Variants in DNAJC5 observed in about 807,000 individuals in gnomAD.
DNAJC5 encodes dnaJ homolog subfamily C member 5.
In DNAJC5, 1 loss-of-function variant was observed where a neutral mutation model predicts 23.2. The observed-to-expected ratio is 0.04, with a 90% CI of 0.02 to 0.20. DNAJC5 has a LOEUF of 0.20. DNAJC5 is among the 10% of genes least tolerant of loss of function. The pLI is 1.00. For missense variants in DNAJC5, 180 were observed against 267.0 expected, an observed-to-expected ratio of 0.67 and a Z score of 2.27; for synonymous variants, 136 against 120.0, an observed-to-expected ratio of 1.13 and a Z score of -0.87.
In DNAJC5 at chr20:63,920,482, A is replaced by T. The variant is rs917658343; in HGVS notation, c.-11-7853A>T. 2.0e-5 allele frequency among the ~76,000 whole-genome samples: 3 copies of T among 152,186 alleles called. No homozygotes were observed. Among genetic ancestry groups the T allele is most frequent in the African/African-American group, 7.2e-5 (3 of 41,446 alleles). ...CCAGGGCTGTGAAGGAGCCGAGGTC[A>T]TAGAGTGGCTGCCCTGGCGTAGGGA... On this transcript the variant is annotated intron_variant, in intron 1 of 4. Coordinates refer to ENST00000360864, the MANE Select transcript of DNAJC5 (RefSeq NM_025219.3). The surrounding 1 kb of genome is among the most constrained non-coding windows in gnomAD (Gnocchi z 4.6).
At chr20:63,918,021 G>A (rs982452052) in intron 1 of DNAJC5, among the ~76,000 whole-genome samples, 26 of 152,144 alleles carry the variant, frequency 1.7e-4, no homozygotes, top group Admixed American at 1.0e-3. Context: ...TCCGCCCTTC[G>A]CCACCCACCG....
intron 1 of DNAJC5, among the ~76,000 whole-genome samples, chr20:63,915,793 C>T (rs2053512233): frequency 6.6e-6 from 1 of 152,236 alleles, no homozygotes; most frequent in Non-Finnish European, 1.5e-5. Context: ...CAGAAGAATT[C>T]TTCCTCGACT....
rs1412975428 is a variant in DNAJC5 at position 63,928,743 on chromosome 20, C to T, written c.107+291C>T. On this transcript the variant is annotated intron_variant, in intron 2 of 4. Transcript: ENST00000360864. The surrounding 1 kb of genome is among the most constrained non-coding windows in gnomAD (Gnocchi z 4.6). ...AACCTGTTTGAGGCCTCACAGGAGC[C>T]GCAGAGCGCTGGCATGGTCCTGTGG... Among the ~76,000 whole-genome samples, 3 of 152,178 alleles carry T rather than the reference C, an allele frequency of 2.0e-5. No homozygotes were observed. Among genetic ancestry groups the T allele is most frequent in the Admixed American group, 1.3e-4 (2 of 15,274 alleles).
rs556682543 is a variant in DNAJC5, at chr20:63,935,425, C to A, written c.*3857C>A. ...CTGCCACGGCCCCCACCAGCATTGG[C>A]CTCTGCTCTGCAGGGTGGGGTGCCC... On this transcript the variant is annotated 3_prime_UTR_variant, in exon 5 of 5. Coordinates refer to ENST00000360864, the MANE Select transcript of DNAJC5 (RefSeq NM_025219.3). 3 of 152,482 alleles carry A rather than the reference C, an allele frequency of 2.0e-5. No individual in the cohort carries two copies. The highest frequency in any genetic ancestry group is 2.0e-4 in the Admixed American group (3 of 15,312). The allele number at this position is 152,482 out of a possible 1,614,324, so 9.4% of individuals were successfully genotyped here.
chr20:63,901,351 T>C (rs1442703730), intron 1 of DNAJC5, among the ~76,000 whole-genome samples: 1 of 152,232 alleles, frequency 6.6e-6, no homozygotes, highest in Admixed American at 6.5e-5. Context: ...CCATCGGCTG[T>C]GCCCTGCCCT....
rs998338342 is a variant in DNAJC5 at position 63,920,440 on chromosome 20, G to A, written c.-11-7895G>A. On this transcript the variant is annotated intron_variant, in intron 1 of 4. Transcript: ENST00000360864. This position sits in a 1 kb window ranked among gnomAD's most constrained non-coding sequence, Gnocchi z 4.6. Reference sequence around the variant, plus strand: ...GTCTGGTGGGGATGCCCGCCATGCGGGGGCCTCAGGCTACAGCCAGGGCTG... The same window carrying A: ...GTCTGGTGGGGATGCCCGCCATGCGAGGGCCTCAGGCTACAGCCAGGGCTG... Among the ~76,000 whole-genome samples, 40 of 152,344 alleles carry A rather than the reference G, an allele frequency of 2.6e-4. No individual in the cohort carries two copies. Among genetic ancestry groups the A allele is most frequent in the Non-Finnish European group, 4.9e-4 (33 of 68,024 alleles).
chr20:63,926,045 G>A (rs1224999734), intron 1 of DNAJC5, among the ~76,000 whole-genome samples: 2 of 152,064 alleles, frequency 1.3e-5, no homozygotes, highest in East Asian at 3.9e-4. Flanking sequence ...AGCCAGGATG[G>A]TCTCAATCTC....
At position 63,897,063 on chromosome 20, in the gene DNAJC5, T is replaced by C. The variant is rs2053380290; in HGVS notation, c.-12+1740T>C. 2.0e-5 allele frequency among the ~76,000 whole-genome samples: 3 copies of C among 152,316 alleles called. No individual in the cohort carries two copies. In the East Asian group the frequency reaches 5.8e-4, roughly 29 times the overall value. On this transcript the variant is annotated intron_variant, in intron 1 of 4. Transcript: ENST00000360864. ...ACCCTTGTAAATCTTTTCGCAACTT[T>C]GAATCTATAATTATTTTGAAGTTAA...
chr20:63,912,780 G>T (rs999362547), intron 1 of DNAJC5, among the ~76,000 whole-genome samples: 10 of 152,078 alleles, frequency 6.6e-5, no homozygotes, highest in Non-Finnish European at 1.3e-4. Context: ...GCTAATTTTT[G>T]TATTTTTTAG....
At chr20:63,910,411 C>T (rs1025796029) in intron 1 of DNAJC5, among the ~76,000 whole-genome samples, 7 of 151,822 alleles carry the variant, frequency 4.6e-5, no homozygotes, top group Admixed American at 2.6e-4. Context: ...GGCATGGTTG[C>T]GAGTGCCTGT....
At chr20:63,913,982 C>T (rs1193990673) in intron 1 of DNAJC5, among the ~76,000 whole-genome samples, 1 of 152,204 alleles carries the variant, frequency 6.6e-6, no homozygotes, top group Non-Finnish European at 1.5e-5. Flanking sequence ...ATCCTCCCAC[C>T]CCTCAGGCAG....
At chr20:63,902,877 T>G (rs73624778) in intron 1 of DNAJC5, among the ~76,000 whole-genome samples, 6 of 146,396 alleles carry the variant, frequency 4.1e-5, no homozygotes, top group Non-Finnish European at 9.0e-5. Flanking sequence ...CGGGATTTCA[T>G]CGTGTTAGCC....
rs887858391 is a variant in DNAJC5 at position 63,900,845 on chromosome 20, A to G, written c.-12+5522A>G. Reference sequence around the variant, plus strand: ...TGGATGTGAATGAATCTTATTTTTCATGGGTTTATAATTGTATTGTCCCTT... The same window carrying G: ...TGGATGTGAATGAATCTTATTTTTCGTGGGTTTATAATTGTATTGTCCCTT... On this transcript the variant is annotated intron_variant, in intron 1 of 4. Coordinates refer to ENST00000360864, the MANE Select transcript of DNAJC5 (RefSeq NM_025219.3). Among the ~76,000 whole-genome samples the G allele has an allele frequency of 1.2e-4, 18 of 152,336 alleles. No individual in the cohort carries two copies. In the East Asian group the frequency reaches 3.1e-3, roughly 26 times the overall value.
chr20:63,897,636 G>C (rs1032221581), intron 1 of DNAJC5, among the ~76,000 whole-genome samples: 2 of 152,196 alleles, frequency 1.3e-5, no homozygotes, highest in African/African-American at 2.4e-5. Context: ...TTTTGTCTTT[G>C]ATTACCAGGA....
chr20:63,907,679 G>GCAGATAT (rs2146277391), intron 1 of DNAJC5, among the ~76,000 whole-genome samples: 1 of 152,314 alleles, frequency 6.6e-6, no homozygotes, highest in East Asian at 1.9e-4. Context: ...AAAACTCAAA[G>GCAGATAT]CAGATATCAC....
intron 1 of DNAJC5, among the ~76,000 whole-genome samples, chr20:63,904,152 C>T (rs758027134): frequency 1.2e-4 from 18 of 152,264 alleles, no homozygotes; most frequent in African/African-American, 1.7e-4. Flanking sequence ...ATGCATTAGC[C>T]GTAATCCCCA....
intron 1 of DNAJC5, among the ~76,000 whole-genome samples, chr20:63,905,997 G>A (rs2053446279): frequency 6.6e-6 from 1 of 151,814 alleles, no homozygotes; most frequent in African/African-American, 2.4e-5. Flanking sequence ...CTCCCAAAGT[G>A]CTGGGATTAC....
At chr20:63,901,454 A>G (rs2053411383) in intron 1 of DNAJC5, among the ~76,000 whole-genome samples, 1 of 152,208 alleles carries the variant, frequency 6.6e-6, no homozygotes, top group Non-Finnish European at 1.5e-5. Context: ...AATGTGTTCT[A>G]GTGAAACTGC....
intron 1 of DNAJC5, among the ~76,000 whole-genome samples, chr20:63,911,977 T>C (rs2053485507): frequency 6.6e-6 from 1 of 152,036 alleles, no homozygotes; most frequent in South Asian, 2.1e-4. Context: ...CATGGCCGGC[T>C]GGAAAGTCTT....
Sources: allele counts gnomAD v4.1 joint callset (sites outside exome capture counted in the v4.1 genomes callset), GRCh38; gene constraint gnomAD v4.1.1; non-coding constraint Gnocchi (gnomAD v3.1); transcripts MANE v1.5; gene names NCBI Gene and HGNC (gene_info 2026-07-23, HGNC 2026-07-21).